ARHGAP31: variants seen among roughly 807,000 people sequenced by gnomAD.
The protein encoded by ARHGAP31 is Rho GTPase activating protein 31, also known as rho GTPase-activating protein 31.
In ARHGAP31, 34 loss-of-function variants were observed where a neutral mutation model predicts 113.9. The ratio of observed to expected loss-of-function variants is 0.30; its 90% confidence interval spans 0.23 to 0.40. The LOEUF (loss-of-function observed/expected upper bound fraction) is 0.40. Among genes scored for constraint, ARHGAP31 ranks in the 10% least tolerant of loss-of-function variants. The pLI is 1.00. For missense variants in ARHGAP31, 1,548 were observed against 1,767.1 expected (o/e 0.88, Z 2.22); for synonymous variants, 650 against 684.8 (o/e 0.95, Z 0.79).
At position 119,379,380 on chromosome 3, in the gene ARHGAP31, G is replaced by A. The variant is rs763889140; in HGVS notation, c.349-1524G>A. 4.6e-5 allele frequency among the ~76,000 whole-genome samples: 7 copies of A among 152,176 alleles called. No homozygotes were observed. The East Asian group carries it at 5.8e-4, about 13-fold the overall frequency. On this transcript the variant is annotated intron_variant, in intron 3 of 11. Coordinates refer to ENST00000264245, the MANE Select transcript of ARHGAP31 (RefSeq NM_020754.4). ...GGTTAAAACAGATCACACTCAACTA[G>A]TGTGTCCTAGGAACTGAAGATGCTG...
chr3:119,381,985 CAAAAA>C (rs10719267), intron 4 of ARHGAP31, among the ~76,000 whole-genome samples: 16 of 62,102 alleles, frequency 2.6e-4, no homozygotes, highest in Non-Finnish European at 3.6e-4. Flanking sequence ...GACTCCGTCT[CAAAAA>C]AAAAAAAAAA....
At chr3:119,303,091 C>T (rs1184811322) in intron 1 of ARHGAP31, among the ~76,000 whole-genome samples, 1 of 152,206 alleles carries the variant, frequency 6.6e-6, no homozygotes, top group Non-Finnish European at 1.5e-5. Flanking sequence ...TTGTTTTGTT[C>T]TCTAACACTT....
intron 3 of ARHGAP31, among the ~76,000 whole-genome samples, chr3:119,370,371 G>T (rs943349994): frequency 4.6e-5 from 7 of 152,128 alleles, no homozygotes; most frequent in African/African-American, 1.7e-4. Context: ...CATGTTGTGG[G>T]TATTCTTTCC....
chr3:119,367,730 C>A (rs1479781342), intron 2 of ARHGAP31, among the ~76,000 whole-genome samples: 2 of 151,756 alleles, frequency 1.3e-5, no homozygotes, highest in Non-Finnish European at 2.9e-5. Flanking sequence ...TGGTGGCGGG[C>A]GCCTGTAGTC....
intron 1 of ARHGAP31, among the ~76,000 whole-genome samples, chr3:119,364,513 T>C (rs1488554978): frequency 2.0e-5 from 3 of 152,224 alleles, no homozygotes; most frequent in Non-Finnish European, 2.9e-5. Flanking sequence ...GATGTCCTCA[T>C]GTTTAGAATA....
intron 1 of ARHGAP31, among the ~76,000 whole-genome samples, chr3:119,308,378 G>A (rs913035893): frequency 6.6e-6 from 1 of 152,198 alleles, no homozygotes; most frequent in Non-Finnish European, 1.5e-5. Flanking sequence ...TAAAGTCAAG[G>A]TGCAAGATGT....
chr3:119,310,623 A>T (rs951489859), intron 1 of ARHGAP31, among the ~76,000 whole-genome samples: 2 of 152,194 alleles, frequency 1.3e-5, no homozygotes, highest in Admixed American at 1.3e-4. Flanking sequence ...ATAAGAATCT[A>T]CCTAATGCCT....
Position 119,409,865 on chromosome 3 carries a change from T to A in ARHGAP31, c.1926+89T>A, listed in dbSNP as rs12636976. On this transcript the variant is annotated intron_variant, in intron 11 of 11. Coordinates refer to ENST00000264245, the MANE Select transcript of ARHGAP31 (RefSeq NM_020754.4). The stretch of plus-strand genomic sequence containing the variant: ...CAATTTAAAGTAAATTGAAAAAAAA[T>A]TTTTTTTTGAAAAATCAGTTTCTGC... The A allele has an allele frequency of 0.42, 430,165 of 1,035,052 alleles. 70,859 individuals carry two copies. Among genetic ancestry groups the A allele is most frequent in the South Asian group, 0.5 (28,419 of 56,650 alleles). The allele number at this position is 1,035,052 out of a possible 1,614,324, so 64.1% of individuals were successfully genotyped here. A position where few individuals can be genotyped will look rare whatever the true frequency, so the allele number is the denominator to read the frequency against.
intron 1 of ARHGAP31, among the ~76,000 whole-genome samples, chr3:119,343,480 G>A (rs960421530): frequency 6.6e-6 from 1 of 152,242 alleles, no homozygotes; most frequent in African/African-American, 2.4e-5. Flanking sequence ...GGAGGAGCCA[G>A]GGGAGGTGGT....
intron 1 of ARHGAP31, among the ~76,000 whole-genome samples, chr3:119,300,752 G>A (rs1428388499): frequency 1.3e-5 from 2 of 151,450 alleles, no homozygotes; most frequent in South Asian, 4.2e-4. Context: ...GCTTGAACCT[G>A]GGAGGCGGAG....
At chr3:119,346,593 C>T (rs1489003410) in intron 1 of ARHGAP31, among the ~76,000 whole-genome samples, 1 of 152,210 alleles carries the variant, frequency 6.6e-6, no homozygotes, top group East Asian at 1.9e-4. Flanking sequence ...AAGTCTAGCA[C>T]AATGTTTGAC....
At chr3:119,378,701 T>C (rs36087584) in intron 3 of ARHGAP31, among the ~76,000 whole-genome samples, 65,969 of 151,886 alleles carry the variant, frequency 0.43, 14,722 homozygotes, top group African/African-American at 0.53. Flanking sequence ...TTCTCTCCCT[T>C]GGCTCCCCGG....
chr3:119,349,712 C>T (rs1233115757), intron 1 of ARHGAP31, among the ~76,000 whole-genome samples: 3 of 152,192 alleles, frequency 2.0e-5, no homozygotes, highest in African/African-American at 7.2e-5. Flanking sequence ...TTCAATTGCC[C>T]CATGAGCCGC....
chr3:119,303,716 G>T (rs991683441), intron 1 of ARHGAP31, among the ~76,000 whole-genome samples: 4 of 152,130 alleles, frequency 2.6e-5, no homozygotes, highest in African/African-American at 9.7e-5. Context: ...TAAATCTATA[G>T]GCTATGTGAA....
Position 119,370,064 on chromosome 3 carries a change from G to T in ARHGAP31, c.348+1548G>T, listed in dbSNP as rs75496232. ...TACCAGCTGGCATAGAGTTGTCATTGGTTATGGGGCCCTTCTCCTTTAGAT... is the reference window on the plus strand; with the variant it reads ...TACCAGCTGGCATAGAGTTGTCATTTGTTATGGGGCCCTTCTCCTTTAGAT... On this transcript the variant is annotated intron_variant, in intron 3 of 11. Transcript: ENST00000264245. Among the ~76,000 whole-genome samples the T allele has an allele frequency of 7.7e-3, 1,173 of 152,234 alleles. 38 individuals carry two copies. In the East Asian group the frequency reaches 0.11, roughly 14 times the overall value.
intron 1 of ARHGAP31, among the ~76,000 whole-genome samples, chr3:119,353,284 C>A (rs934832584): frequency 1.3e-5 from 2 of 152,222 alleles, no homozygotes; most frequent in African/African-American, 4.8e-5. Context: ...TGTTCAACAT[C>A]TAAAAGCTCT....
At chr3:119,337,509 C>A (rs1190270028) in intron 1 of ARHGAP31, among the ~76,000 whole-genome samples, 1 of 152,172 alleles carries the variant, frequency 6.6e-6, no homozygotes, top group Admixed American at 6.5e-5. Flanking sequence ...CTGACGGGAC[C>A]CAAATGATTT....
At chr3:119,401,362 A>C (rs1016840867) in intron 9 of ARHGAP31, among the ~76,000 whole-genome samples, 1 of 152,130 alleles carries the variant, frequency 6.6e-6, no homozygotes, top group African/African-American at 2.4e-5. Context: ...TGCCAGAGAA[A>C]ACTTAAAACA....
At chr3:119,347,171 G>A (rs1349896566) in intron 1 of ARHGAP31, among the ~76,000 whole-genome samples, 1 of 152,178 alleles carries the variant, frequency 6.6e-6, no homozygotes, top group Non-Finnish European at 1.5e-5. Flanking sequence ...TCCAGCTGAT[G>A]CCCATGCACC....
Sources: gnomAD v4.1 joint callset for allele counts (sites outside exome capture counted in the v4.1 genomes callset) on GRCh38, gnomAD v4.1.1 for gene constraint, MANE v1.5 for transcripts, NCBI Gene and HGNC (gene_info 2026-07-23, HGNC 2026-07-21) for gene names.